MTFR1: variants seen among roughly 807,000 people sequenced by gnomAD.
MTFR1 encodes the protein chondrocyte protein with a poly-proline region.
Under a neutral mutation model 38.8 loss-of-function variants are expected in MTFR1, and 28 were observed. The observed-to-expected ratio is 0.72, with a 90% CI of 0.53 to 0.99. The LOEUF (loss-of-function observed/expected upper bound fraction) is 0.99, where lower values mean the gene tolerates loss of function less well. MTFR1 is among the 50% of genes least tolerant of loss of function. The pLI is 0.00. For synonymous variants in MTFR1, 145 were observed against 137.0 expected (o/e 1.06, Z -0.41); for missense variants, 358 against 395.5 (o/e 0.91, Z 0.81).
At chr8:65,759,467 C>T (rs1808393387) in intron 3 of MTFR1, among the ~76,000 whole-genome samples, 1 of 152,182 alleles carries the variant, frequency 6.6e-6, no homozygotes, top group Admixed American at 6.5e-5. Flanking sequence ...CATATCCCCA[C>T]AGGCCACAGG....
Position 65,753,334 on chromosome 8 carries a change from C to G in MTFR1, c.*49-17613C>G, listed in dbSNP as rs148511019. Reference sequence around the variant, plus strand: ...AGGAAATCCCTCTGAGCTCTACTACCCAAATGGCTCTCTCCTTCTCTGCCA... The same window carrying G: ...AGGAAATCCCTCTGAGCTCTACTACGCAAATGGCTCTCTCCTTCTCTGCCA... On this transcript the variant is annotated intron_variant, in intron 3 of 3. Transcript: ENST00000521247. 3.4e-3 allele frequency among the ~76,000 whole-genome samples: 514 copies of G among 152,206 alleles called. 3 individuals are homozygous for G. Among genetic ancestry groups the G allele is most frequent in the African/African-American group, 0.011 (449 of 41,506 alleles).
At chr8:65,659,854 G>A (rs778951256) in intron 1 of MTFR1, among the ~76,000 whole-genome samples, 6 of 152,136 alleles carry the variant, frequency 3.9e-5, no homozygotes, top group Non-Finnish European at 7.3e-5. Flanking sequence ...TTTCTGTCCA[G>A]TCTTCCCTTC....
At chr8:65,735,769 G>T (rs1807104236) in intron 3 of MTFR1, among the ~76,000 whole-genome samples, 1 of 152,070 alleles carries the variant, frequency 6.6e-6, no homozygotes. Flanking sequence ...GGGATTACAG[G>T]CACCTGCCAT....
intron 3 of MTFR1, among the ~76,000 whole-genome samples, chr8:65,733,626 A>G (rs1258156467): frequency 2.6e-5 from 4 of 152,168 alleles, no homozygotes; most frequent in Non-Finnish European, 4.4e-5. Context: ...CTCTTAGAGA[A>G]AAAAAAACAG....
rs1383352145 is a variant in MTFR1, at chr8:65,719,340, C to T, written c.382-40C>T. On this transcript the variant is annotated intron_variant, in intron 2 of 3. Coordinates refer to the MTFR1 transcript ENST00000521247. ...AATAACTGTGAGTTCAACTCAAATG[C>T]AGCATCAGTGTCCTCACTGCTCGAC... is the stretch of plus-strand genomic sequence containing the variant. The T allele has an allele frequency of 1.9e-6, 3 of 1,613,994 alleles. No individual in the cohort carries two copies. In the East Asian group the frequency reaches 6.7e-5, roughly 36 times the overall value.
At chr8:65,753,669 C>T (rs1190683820) in intron 3 of MTFR1, among the ~76,000 whole-genome samples, 2 of 152,114 alleles carry the variant, frequency 1.3e-5, no homozygotes, top group Admixed American at 6.5e-5. Flanking sequence ...CTCAGGTGCT[C>T]GATTTCCTTA....
chr8:65,716,351 C>T (rs755633401), intron 2 of MTFR1, among the ~76,000 whole-genome samples: 5 of 152,118 alleles, frequency 3.3e-5, no homozygotes, highest in Non-Finnish European at 7.4e-5. Flanking sequence ...ATCATGTATA[C>T]AGGCAGAATG....
intron 1 of MTFR1, among the ~76,000 whole-genome samples, chr8:65,645,965 T>C (rs77105659): frequency 0.041 from 6,312 of 152,272 alleles, 193 homozygotes; most frequent in Non-Finnish European, 0.063. Context: ...ATAAGGGACA[T>C]ATTAAAGTGT....
At chr8:65,691,190 A>G (rs1173621989) in intron 3 of MTFR1, among the ~76,000 whole-genome samples, 3 of 152,194 alleles carry the variant, frequency 2.0e-5, no homozygotes, top group Non-Finnish European at 4.4e-5. Context: ...TCTGACTACA[A>G]ATTACTTCCA....
rs370178035 is a variant in MTFR1 at position 65,706,391 on chromosome 8, G to A, written c.518-619G>A. On this transcript the variant is annotated intron_variant, in intron 5 of 7. Coordinates refer to ENST00000262146, the MANE Select transcript of MTFR1 (RefSeq NM_014637.4). ...CTAACCTCCAGTTATGCAGAAAGAG[G>A]ATTTTTAGGTCCTTACTTCATTTCC... is the stretch of plus-strand genomic sequence containing the variant. Among the ~76,000 whole-genome samples the A allele has an allele frequency of 4.6e-5, 7 of 152,208 alleles. No homozygotes were observed. In the East Asian group the frequency reaches 9.7e-4, roughly 21 times the overall value.
intron 2 of MTFR1, chr8:65,719,362 C>T (rs142562007): frequency 1.1e-4 from 181 of 1,613,906 alleles, no homozygotes; most frequent in Non-Finnish European, 1.4e-4. Flanking sequence ...CCTCACTGCT[C>T]GACTGTTCTC....
intron 1 of MTFR1, among the ~76,000 whole-genome samples, chr8:65,645,701 C>CG (rs903511475): frequency 1.5e-5 from 2 of 133,822 alleles, no homozygotes; most frequent in South Asian, 3.8e-4. Flanking sequence ...TTCCCCCCCC[C>CG]CCCCCTTTGT....
At chr8:65,680,572 A>G (rs1185586630) in intron 2 of MTFR1, among the ~76,000 whole-genome samples, 1 of 152,158 alleles carries the variant, frequency 6.6e-6, no homozygotes, top group Non-Finnish European at 1.5e-5. Flanking sequence ...ATATGCTTTT[A>G]TCTAAGGGTC....
intron 3 of MTFR1, among the ~76,000 whole-genome samples, chr8:65,754,303 A>C (rs1363019334): frequency 6.6e-6 from 1 of 151,998 alleles, no homozygotes; most frequent in African/African-American, 2.4e-5. Flanking sequence ...CTCAAATGTT[A>C]ATCTCTTTTG....
chr8:65,746,291 C>T (rs924233679), intron 3 of MTFR1, among the ~76,000 whole-genome samples: 2 of 152,082 alleles, frequency 1.3e-5, no homozygotes, highest in African/African-American at 2.4e-5. Context: ...AAATAACTAA[C>T]TTGCTCAGCT....
At chr8:65,703,761 G>C (rs1324302694) in intron 4 of MTFR1, among the ~76,000 whole-genome samples, 3 of 151,886 alleles carry the variant, frequency 2.0e-5, no homozygotes, top group Admixed American at 2.0e-4. Flanking sequence ...TTTTGTATTT[G>C]TTTTTATTTC....
intron 3 of MTFR1, among the ~76,000 whole-genome samples, chr8:65,690,038 C>T (rs1028769188): frequency 2.0e-5 from 3 of 151,856 alleles, no homozygotes; most frequent in Non-Finnish European, 2.9e-5. Flanking sequence ...AAATTAAGTC[C>T]GTGGAATAGT....
intron 4 of MTFR1, 61 bp from the exon 5 acceptor site, chr8:65,704,632 AG>A: frequency 7.5e-7 from 1 of 1,337,992 alleles, no homozygotes; most frequent in Non-Finnish European, 1.1e-6. Context: ...CTGTCAGGTG[AG>A]GATGGTGTTT....
downstream of MTFR1, among the ~76,000 whole-genome samples, chr8:65,711,549 T>G (rs184109650): frequency 4.0e-4 from 61 of 152,282 alleles, no homozygotes; most frequent in African/African-American, 1.4e-3. Flanking sequence ...GGTTCCTGTT[T>G]CTGTGTCCTC....
Sources: gnomAD v4.1 joint callset for allele counts (sites outside exome capture counted in the v4.1 genomes callset) on GRCh38, gnomAD v4.1.1 for gene constraint, MANE v1.5 for transcripts, NCBI Gene and HGNC (gene_info 2026-07-23, HGNC 2026-07-21) for gene names.